LTBP1: variants seen among roughly 807,000 people sequenced by gnomAD.
The protein encoded by LTBP1 is latent-transforming growth factor beta-binding protein 1.
In LTBP1, 129 loss-of-function variants were observed where a neutral mutation model predicts 207.6. The observed-to-expected ratio is 0.62, with a 90% CI of 0.54 to 0.72. The LOEUF (loss-of-function observed/expected upper bound fraction) is 0.72, where lower values mean the gene tolerates loss of function less well. Ranked by LOEUF, LTBP1 falls within the 30% of genes least tolerant of loss-of-function variation. LTBP1 has a pLI of 0.00. For missense variants in LTBP1, 2,281 were observed against 2,217.2 expected (o/e 1.03, Z -0.58); for synonymous variants, 963 against 833.7 (o/e 1.16, Z -2.67).
At chr2:33,026,942 C>T (rs1234275871) in intron 3 of LTBP1, among the ~76,000 whole-genome samples, 1 of 152,224 alleles carries the variant, frequency 6.6e-6, no homozygotes, top group Non-Finnish European at 1.5e-5. Flanking sequence ...CAGCCATCTT[C>T]CTCCTCACCG....
At chr2:32,991,633 G>C (rs1558483641) in intron 2 of LTBP1, among the ~76,000 whole-genome samples, 1 of 152,194 alleles carries the variant, frequency 6.6e-6, no homozygotes, top group Non-Finnish European at 1.5e-5. Context: ...ACTGTTTTCA[G>C]TTGTTGTAAC....
chr2:33,198,607 T>C (rs1206967932), intron 7 of LTBP1, among the ~76,000 whole-genome samples: 1 of 152,264 alleles, frequency 6.6e-6, no homozygotes, highest in African/African-American at 2.4e-5. Context: ...AGATTCAACT[T>C]CTTCCTGGTT....
rs1315145413 is a variant in LTBP1, at chr2:33,202,022, A to AACACACACACAGACACACACAC, written c.1701+13182_1701+13183insGACACACACACACACACACACA. On this transcript the variant is annotated intron_variant, in intron 7 of 33. Coordinates refer to ENST00000404816, the MANE Select transcript of LTBP1 (RefSeq NM_206943.4). ...CCTAAGCTCTAAAGCTTAGCACTGG[A>AACACACACACAGACACACACAC]ACACACACACACACACACACACACA... Among the ~76,000 whole-genome samples the AACACACACACAGACACACACAC allele has an allele frequency of 7.0e-3, 988 of 140,628 alleles. 22 individuals carry two copies. The highest frequency in any genetic ancestry group is 0.024 in the African/African-American group (862 of 36,158). The allele number at this position is 140,628 out of a possible 152,430, so 92.3% of individuals were successfully genotyped here. A position where few individuals can be genotyped will look rare whatever the true frequency, so the allele number is the denominator to read the frequency against.
chr2:33,123,481 G>A lies in LTBP1; in HGVS notation c.1034-11312G>A, dbSNP rs540438397. Among the ~76,000 whole-genome samples, 4 of 152,224 alleles carry A rather than the reference G, an allele frequency of 2.6e-5. No individual in the cohort carries two copies. The East Asian group carries it at 5.8e-4, about 22-fold the overall frequency. On this transcript the variant is annotated intron_variant, in intron 4 of 33. Coordinates refer to ENST00000404816, the MANE Select transcript of LTBP1 (RefSeq NM_206943.4). ...CATGCTCTGCCATGTCTTGAACATGGAAATCTAGCAAAATTAGATGCCTCT... is the reference window on the plus strand; with the variant it reads ...CATGCTCTGCCATGTCTTGAACATGAAAATCTAGCAAAATTAGATGCCTCT...
chr2:33,094,831 T>A (rs1221955229), intron 3 of LTBP1, among the ~76,000 whole-genome samples: 1 of 152,216 alleles, frequency 6.6e-6, no homozygotes, highest in Admixed American at 6.5e-5. Context: ...TGCAAGGTAA[T>A]GCCATCTTCC....
intron 3 of LTBP1, among the ~76,000 whole-genome samples, chr2:33,045,953 C>A (rs1052591180): frequency 6.6e-6 from 1 of 152,166 alleles, no homozygotes; most frequent in Non-Finnish European, 1.5e-5. Context: ...GTGATTTTTG[C>A]ACATCGAATT....
chr2:33,386,376 A>T (rs2095265504), intron 31 of LTBP1, among the ~76,000 whole-genome samples: 1 of 152,074 alleles, frequency 6.6e-6, no homozygotes, highest in Non-Finnish European at 1.5e-5. Flanking sequence ...TGGAGGAAGC[A>T]TGTCTAGGGG....
chr2:32,951,058 C>T (rs1010792573), intron 2 of LTBP1, among the ~76,000 whole-genome samples: 1 of 152,160 alleles, frequency 6.6e-6, no homozygotes, highest in African/African-American at 2.4e-5. Context: ...TCAGAAAAAT[C>T]AGTGTTGAAG....
chr2:32,947,687 TC>T lies in LTBP1; in HGVS notation c.366del (p.Gly123AlafsTer99), dbSNP rs1338264600. The T allele has an allele frequency of 7.3e-6, 11 of 1,501,964 alleles. No individual in the cohort carries two copies. The highest frequency in any genetic ancestry group is 8.9e-6 in the Non-Finnish European group (10 of 1,124,810). The allele number at this position is 1,501,964 out of a possible 1,614,324, so 93.0% of individuals were successfully genotyped here. The part of the protein sequence containing the change: ...AVPGGQLHPN[P>X]GGHPAAAPFT... Reference sequence around the variant, plus strand: ...TCCCCGGCGGGCAGCTCCACCCCAATCCCGGCGGCCACCCGGCAGCCGCCCC... The same window carrying T: ...TCCCCGGCGGGCAGCTCCACCCCAATCCGGCGGCCACCCGGCAGCCGCCCC... On this transcript the variant is annotated frameshift_variant, in exon 1 of 34. Coordinates refer to ENST00000404816, the MANE Select transcript of LTBP1 (RefSeq NM_206943.4). LOFTEE classifies it high-confidence loss of function.
At chr2:33,180,862 A>G (rs1362964595) in intron 5 of LTBP1, among the ~76,000 whole-genome samples, 1 of 152,236 alleles carries the variant, frequency 6.6e-6, no homozygotes, top group African/African-American at 2.4e-5. Flanking sequence ...TAATGTGGTA[A>G]CTTAACTTTC....
intron 2 of LTBP1, among the ~76,000 whole-genome samples, chr2:32,952,696 TGCCAG>T (rs1677349861): frequency 1.3e-5 from 2 of 152,210 alleles, no homozygotes; most frequent in Non-Finnish European, 2.9e-5. Context: ...GCATTGGTTC[TGCCAG>T]TCTTTTTGCC....
At chr2:33,300,723 G>T (rs1027374592) in intron 21 of LTBP1, 150 bp downstream of exon 21, 15 of 803,338 alleles carry the variant, frequency 1.9e-5, no homozygotes, top group Non-Finnish European at 2.7e-5. Flanking sequence ...CATAAGTTAG[G>T]AAAGTCAATA....
chr2:33,385,303 T>G (rs965586035), intron 31 of LTBP1, among the ~76,000 whole-genome samples: 6 of 152,336 alleles, frequency 3.9e-5, no homozygotes, highest in South Asian at 2.1e-4. Context: ...GGACCGTTCT[T>G]CCATTGCTCT....
intron 3 of LTBP1, among the ~76,000 whole-genome samples, chr2:33,076,307 A>C (rs557110516): frequency 3.3e-5 from 5 of 152,188 alleles, no homozygotes; most frequent in Non-Finnish European, 5.9e-5. Context: ...CTTTAGTTAG[A>C]TCTACATTTT....
chr2:33,330,108 C>T (rs973487465), intron 24 of LTBP1, among the ~76,000 whole-genome samples: 2 of 151,912 alleles, frequency 1.3e-5, no homozygotes, highest in African/African-American at 4.8e-5. Flanking sequence ...AGACTTATTC[C>T]TAGGTCTTCA....
At chr2:33,209,368 T>C (rs966283314) in intron 7 of LTBP1, among the ~76,000 whole-genome samples, 3 of 152,158 alleles carry the variant, frequency 2.0e-5, no homozygotes, top group Non-Finnish European at 2.9e-5. Context: ...GTGAGCTCCA[T>C]TGCTGTTGCT....
chr2:33,320,190 G>A (rs949580584), intron 24 of LTBP1, among the ~76,000 whole-genome samples: 38 of 152,104 alleles, frequency 2.5e-4, no homozygotes, highest in African/African-American at 2.4e-5. Flanking sequence ...CCAACATGGT[G>A]AAACCCTGTC....
chr2:33,155,078 A>G (rs900151188), intron 5 of LTBP1, among the ~76,000 whole-genome samples: 3 of 152,154 alleles, frequency 2.0e-5, no homozygotes, highest in Admixed American at 2.0e-4. Flanking sequence ...AAAACAAAAC[A>G]AAAAGTTGAA....
chr2:33,303,230 C>G (rs1053342658), intron 22 of LTBP1, among the ~76,000 whole-genome samples: 2 of 152,046 alleles, frequency 1.3e-5, no homozygotes, highest in African/African-American at 2.4e-5. Context: ...GCAGTGGTCC[C>G]CAACTTTTTT....
Sources: gnomAD v4.1 joint callset for allele counts (sites outside exome capture counted in the v4.1 genomes callset) on GRCh38, gnomAD v4.1.1 for gene constraint, MANE v1.5 for transcripts, NCBI Gene and HGNC (gene_info 2026-07-23, HGNC 2026-07-21) for gene names.